Variants in STXBP4 observed in about 807,000 individuals in gnomAD.
STXBP4 encodes syntaxin binding protein 4, also known as syntaxin-binding protein 4.
STXBP4 carries 55 observed loss-of-function variants against 76.1 expected under a neutral mutation model. The ratio of observed to expected loss-of-function variants is 0.72; its 90% CI spans 0.58 to 0.91. STXBP4 has a LOEUF of 0.91. STXBP4 is among the 40% of genes least tolerant of loss of function. The probability of loss-of-function intolerance (pLI) is 0.00; values close to 1 mark genes in which losing one functional copy is unlikely to be tolerated. For synonymous variants in STXBP4, 201 were observed against 220.2 expected, an observed-to-expected ratio of 0.91 and a Z score of 0.77; for missense variants, 618 against 636.9, an observed-to-expected ratio of 0.97 and a Z score of 0.32.
chr17:55,121,643 T>C (rs1267608336), intron 16 of STXBP4, among the ~76,000 whole-genome samples: 3 of 152,192 alleles, frequency 2.0e-5, no homozygotes, highest in Non-Finnish European at 4.4e-5. Context: ...GCAGACTTGG[T>C]GTTTTGCCCT....
At chr17:55,088,568 T>C (rs2079369011) in intron 16 of STXBP4, among the ~76,000 whole-genome samples, 1 of 152,110 alleles carries the variant, frequency 6.6e-6, no homozygotes, top group African/African-American at 2.4e-5. Flanking sequence ...GGCTAATTTT[T>C]GTATTTTTAG....
chr17:55,063,656 A>C (rs1754142605), intron 12 of STXBP4, among the ~76,000 whole-genome samples: 1 of 152,196 alleles, frequency 6.6e-6, no homozygotes, highest in Non-Finnish European at 1.5e-5. Flanking sequence ...GGAGCTCTCA[A>C]TCTAGTAAGC....
At position 54,968,798 on chromosome 17, in the gene STXBP4, C is replaced by T. The variant is rs2077330739; in HGVS notation, c.-174C>T. ...GCGCTTGCAGTCGGGCTACGGAGGC[C>T]GGGTTGCCAGATTACGGGTAAGTTT... On this transcript the variant is annotated 5_prime_UTR_variant, in exon 1 of 18. Transcript: ENST00000376352. 1 of 831,082 alleles carries T rather than the reference C, an allele frequency of 1.2e-6. No homozygotes were observed. The highest frequency in any genetic ancestry group is 2.5e-5 in the East Asian group (1 of 39,572). The allele number at this position is 831,082 out of a possible 1,614,324, so 51.5% of individuals were successfully genotyped here.
At position 55,118,685 on chromosome 17, in the gene STXBP4, C is replaced by T. The variant is rs145859106; in HGVS notation, c.1490-22625C>T. On this transcript the variant is annotated intron_variant, in intron 16 of 17. Transcript: ENST00000376352. ...AATAAAGAGGATCCAAGACTTAACA[C>T]TAGGAACCTTTAGAGGTCTATTGAA... is the stretch of plus-strand genomic sequence containing the variant. 2.1e-4 allele frequency among the ~76,000 whole-genome samples: 32 copies of T among 151,716 alleles called. No homozygotes were observed. The East Asian group carries it at 6.2e-3, about 29-fold the overall frequency.
chr17:55,188,647 A>G, the STXBP4 span, among the ~76,000 whole-genome samples: 3 of 151,914 alleles, frequency 2.0e-5, no homozygotes, highest in Non-Finnish European at 4.4e-5. Context: ...CACTGTGGCC[A>G]CTCCTGATTT....
intron 4 of STXBP4, among the ~76,000 whole-genome samples, chr17:54,997,419 C>T (rs1230836808): frequency 6.6e-6 from 1 of 151,468 alleles, no homozygotes; most frequent in Non-Finnish European, 1.5e-5. Context: ...GCTAAATTGC[C>T]TTCATGTGAA....
chr17:55,102,355 T>A (rs1241691332), intron 16 of STXBP4, among the ~76,000 whole-genome samples: 1 of 152,148 alleles, frequency 6.6e-6, no homozygotes, highest in Non-Finnish European at 1.5e-5. Context: ...TAACTCCCAC[T>A]TATAAGTGAG....
chr17:55,047,698 A>G (rs890179368), intron 12 of STXBP4, among the ~76,000 whole-genome samples: 3 of 151,910 alleles, frequency 2.0e-5, no homozygotes, highest in Non-Finnish European at 4.4e-5. Context: ...TAAATAAGAG[A>G]ACATTGTTAG....
chr17:54,999,076 T>TG (rs2077863126), intron 4 of STXBP4, among the ~76,000 whole-genome samples: 1 of 128,354 alleles, frequency 7.8e-6, no homozygotes, highest in Non-Finnish European at 1.8e-5. Flanking sequence ...TTTCCTGGTA[T>TG]ACTGGCCTAT....
intron 3 of STXBP4, among the ~76,000 whole-genome samples, chr17:54,987,799 C>G (rs1245350777): frequency 2.0e-5 from 3 of 152,120 alleles, no homozygotes; most frequent in Non-Finnish European, 4.4e-5. Flanking sequence ...GAAGTTGTAC[C>G]ATTTTGCATT....
chr17:54,990,248 G>GGTAGT (rs1460331743), intron 3 of STXBP4, among the ~76,000 whole-genome samples: 10 of 152,108 alleles, frequency 6.6e-5, no homozygotes, highest in Non-Finnish European at 1.3e-4. Context: ...CCTAATCCCT[G>GGTAGT]GGCCACAGAC....
intron 17 of STXBP4, among the ~76,000 whole-genome samples, chr17:55,141,820 C>T (rs899884016): frequency 2.0e-5 from 3 of 152,112 alleles, no homozygotes; most frequent in African/African-American, 4.8e-5. Context: ...CAGTGTTCCA[C>T]GCCCTGCAGA....
At chr17:55,185,365 CCTT>C in the STXBP4 span, among the ~76,000 whole-genome samples, 4 of 143,542 alleles carry the variant, frequency 2.8e-5, no homozygotes, top group Admixed American at 2.8e-4. Flanking sequence ...TCCTCCTTCT[CCTT>C]CTTCTTCTTC....
chr17:55,038,999 ATACTT>A (rs762806983), intron 10 of STXBP4, among the ~76,000 whole-genome samples: 9 of 152,206 alleles, frequency 5.9e-5, no homozygotes, highest in South Asian at 2.1e-4. Context: ...ATAGCAGTAA[ATACTT>A]TATAGCCACT....
chr17:55,097,535 T>C (rs988094587), intron 16 of STXBP4, among the ~76,000 whole-genome samples: 229 of 151,894 alleles, frequency 1.5e-3, no homozygotes, highest in East Asian at 4.7e-3. Context: ...TGGTGGCGGG[T>C]GCCTGTAGTA....
At chr17:54,983,699 C>CAAATT in intron 1 of STXBP4, among the ~76,000 whole-genome samples, 1 of 151,958 alleles carries the variant, frequency 6.6e-6, no homozygotes, top group East Asian at 1.9e-4. Context: ...AACATAGTGC[C>CAAATT]AATTAATGGT....
chr17:55,007,796 T>C (rs2078035992), intron 8 of STXBP4, among the ~76,000 whole-genome samples, 199 bp downstream of exon 8: 1 of 152,168 alleles, frequency 6.6e-6, no homozygotes, highest in South Asian at 2.1e-4. Flanking sequence ...TAGTACAAAA[T>C]AGAAATAAAA....
the STXBP4 span, among the ~76,000 whole-genome samples, chr17:55,186,839 T>C: frequency 6.6e-6 from 1 of 152,178 alleles, no homozygotes; most frequent in Non-Finnish European, 1.5e-5. Flanking sequence ...CTCCATTCAT[T>C]CCTCTTTCCT....
intron 17 of STXBP4, among the ~76,000 whole-genome samples, chr17:55,151,712 A>G (rs1238088870): frequency 6.6e-6 from 1 of 152,194 alleles, no homozygotes; most frequent in African/African-American, 2.4e-5. Flanking sequence ...GCCACTTACC[A>G]TCATATTTAT....
Sources: allele counts gnomAD v4.1 joint callset (sites outside exome capture counted in the v4.1 genomes callset), GRCh38; gene constraint gnomAD v4.1.1; transcripts MANE v1.5; gene names NCBI Gene and HGNC (gene_info 2026-07-23, HGNC 2026-07-21).